The following SORL1 variants were observed in gnomAD, a reference collection of about 807,000 sequenced individuals.
The protein encoded by SORL1 is sortilin related receptor 1.
Under a neutral mutation model 273.7 loss-of-function variants are expected in SORL1, and 127 were observed. The observed-to-expected ratio is 0.46, with a 90% CI of 0.40 to 0.54. The LOEUF (loss-of-function observed/expected upper bound fraction) is 0.54, where lower values mean the gene tolerates loss of function less well. Ranked by LOEUF, SORL1 falls within the 20% of genes least tolerant of loss-of-function variation. The pLI is 0.00. For synonymous variants in SORL1, 1,031 were observed against 1,067.4 expected, an observed-to-expected ratio of 0.97 and a Z score of 0.66; for missense variants, 2,494 against 2,846.1, an observed-to-expected ratio of 0.88 and a Z score of 2.81.
At chr11:121,471,962 G>A (rs767964787) in intron 2 of SORL1, among the ~76,000 whole-genome samples, 2 of 152,134 alleles carry the variant, frequency 1.3e-5, no homozygotes, top group Non-Finnish European at 2.9e-5. Context: ...TAAAAGCTGT[G>A]GCCACCACAG....
chr11:121,585,332 AAT>A (rs1346282421), intron 26 of SORL1, among the ~76,000 whole-genome samples: 2 of 151,978 alleles, frequency 1.3e-5, no homozygotes, highest in Admixed American at 1.3e-4. Context: ...AAAATACAAA[AAT>A]TAGCCAGGCA....
intron 3 of SORL1, among the ~76,000 whole-genome samples, chr11:121,486,168 A>G (rs978420806): frequency 2.0e-5 from 3 of 152,198 alleles, no homozygotes; most frequent in African/African-American, 7.2e-5. Context: ...TAGGATGTCA[A>G]TGACTGGCTG....
Position 121,627,406 on chromosome 11 carries a change from G to C in SORL1, c.6365-149G>C. 1.5e-6 allele frequency: 1 copy of C among 662,620 alleles called. No homozygotes were observed. Among genetic ancestry groups the C allele is most frequent in the Non-Finnish European group, 2.7e-6 (1 of 373,320 alleles). The allele number at this position is 662,620 out of a possible 1,614,324, so 41.0% of individuals were successfully genotyped here. On this transcript the variant is annotated intron_variant, in intron 46 of 47. Transcript: ENST00000260197. This position sits in a 1 kb window ranked among gnomAD's most constrained non-coding sequence, Gnocchi z 4.9. ...TAGTGGGGAAGCAATCAGGCATCAC[G>C]CACATGCAGAAACGTCTCACACCAG... is the stretch of plus-strand genomic sequence containing the variant.
chr11:121,452,762 A>G lies in SORL1; in HGVS notation c.285+146A>G, dbSNP rs190157824. ...GCATTTGTTTTTTTCCTTCACGAGT[A>G]CAACCGTCAGCACTTGAATCGCATT... On this transcript the variant is annotated intron_variant, in intron 1 of 47. Coordinates refer to ENST00000260197, the MANE Select transcript of SORL1 (RefSeq NM_003105.6). This position sits in a 1 kb window ranked among gnomAD's most constrained non-coding sequence, Gnocchi z 5.3. 1.3e-4 allele frequency: 82 copies of G among 642,710 alleles called. 1 individual carries two copies. Among genetic ancestry groups the G allele is most frequent in the Non-Finnish European group, 1.1e-4 (45 of 413,182 alleles). 39.8% of individuals were successfully genotyped at this position (642,710 alleles called of 1,614,324 possible). A position where few individuals can be genotyped will look rare whatever the true frequency, so the allele number is the denominator to read the frequency against.
intron 11 of SORL1, among the ~76,000 whole-genome samples, chr11:121,523,745 C>T (rs985436624): frequency 2.0e-5 from 3 of 152,106 alleles, no homozygotes; most frequent in Non-Finnish European, 4.4e-5. Context: ...TAAAACCCAA[C>T]AGATCACTTG....
intron 3 of SORL1, among the ~76,000 whole-genome samples, chr11:121,486,176 C>T (rs12796043): frequency 0.3 from 45,697 of 152,130 alleles, 8,002 homozygotes; most frequent in Middle Eastern, 0.45. Flanking sequence ...CAATGACTGG[C>T]TGTGGGTAGA....
chr11:121,610,820 G>A, intron 38 of SORL1: 1 of 373,786 alleles, frequency 2.7e-6, no homozygotes, highest in Non-Finnish European at 4.9e-6. Flanking sequence ...TTACAAAATG[G>A]AACTTTTCTG....
intron 40 of SORL1, 133 bp from the exon 41 acceptor site, chr11:121,614,738 C>A: frequency 1.5e-6 from 1 of 687,806 alleles, no homozygotes. Flanking sequence ...CATCTAATGA[C>A]AGTCCTACAG....
chr11:121,627,799 C>T lies in SORL1; in HGVS notation c.6577+32C>T, dbSNP rs1214982834. ...GGGGCAGGGAGAGTCGGTTCTTCCT[C>T]CCAGGGCTGACCCCCACGCAGCCAA... On this transcript the variant is annotated intron_variant, in intron 47 of 47. Coordinates refer to ENST00000260197, the MANE Select transcript of SORL1 (RefSeq NM_003105.6). This position sits in a 1 kb window ranked among gnomAD's most constrained non-coding sequence, Gnocchi z 4.9. 1.0e-5 allele frequency: 16 copies of T among 1,527,214 alleles called. No individual in the cohort carries two copies. Among genetic ancestry groups the T allele is most frequent in the Admixed American group, 5.1e-5 (3 of 59,018 alleles). 94.6% of individuals were successfully genotyped at this position (1,527,214 alleles called of 1,614,324 possible).
intron 5 of SORL1, among the ~76,000 whole-genome samples, chr11:121,493,820 A>G (rs1025799184): frequency 6.6e-6 from 1 of 152,080 alleles, no homozygotes; most frequent in Non-Finnish European, 1.5e-5. Context: ...TTTAGTTGGT[A>G]TTGCTTCCTT....
At position 121,591,031 on chromosome 11, in the gene SORL1, G is replaced by A; in HGVS notation, c.4244G>A (p.Gly1415Glu). ...CATATTCTTCCCTTCTCGACTCCTGGGCCCTCCACGTGTCTGCCCAATTAC... is the reference window on the plus strand; with the variant it reads ...CATATTCTTCCCTTCTCGACTCCTGAGCCCTCCACGTGTCTGCCCAATTAC... ...DSHILPFSTP[G>E]PSTCLPNYYR... The change falls in exon 31 of 48, where the codon GGG (glycine) becomes GAG (glutamate). Residue 1415 changes from glycine to glutamate, a missense_variant. Transcript: ENST00000260197. The A allele has an allele frequency of 6.2e-7, 1 of 1,614,184 alleles. No homozygotes were observed. Among genetic ancestry groups the A allele is most frequent in the Non-Finnish European group, 8.5e-7 (1 of 1,180,036 alleles).
chr11:121,516,062 A>C (rs1488803032), intron 8 of SORL1, among the ~76,000 whole-genome samples: 3 of 152,252 alleles, frequency 2.0e-5, no homozygotes, highest in Admixed American at 2.0e-4. Flanking sequence ...TAATGAAAAG[A>C]ATATAACACA....
At chr11:121,587,913 T>C in intron 27 of SORL1, 107 bp from the exon 28 acceptor site, 2 of 1,356,322 alleles carry the variant, frequency 1.5e-6, no homozygotes, top group South Asian at 2.6e-5. Flanking sequence ...TGGCTTTTAC[T>C]GTTGCTTCCT....
At chr11:121,567,898 T>A (rs11218345) in intron 22 of SORL1, among the ~76,000 whole-genome samples, 13,112 of 151,924 alleles carry the variant, frequency 0.086, 575 homozygotes, top group African/African-American at 0.11. Context: ...CCTTTTTTTT[T>A]ATATATATTT....
intron 41 of SORL1, 104 bp from the exon 42 acceptor site, chr11:121,618,670 T>G: frequency 2.4e-5 from 33 of 1,368,952 alleles, no homozygotes; most frequent in African/African-American, 2.9e-5. Flanking sequence ...GACTTCTCTG[T>G]GAGCTCTTTT....
chr11:121,590,300 C>G (rs1863190373), intron 30 of SORL1, 126 bp downstream of exon 30: 1 of 945,694 alleles, frequency 1.1e-6, no homozygotes, highest in Admixed American at 2.5e-5. Context: ...AGAGGAGTGA[C>G]TCAAATTTTT....
At chr11:121,525,816 A>C (rs991092952) in intron 11 of SORL1, among the ~76,000 whole-genome samples, 3 of 152,146 alleles carry the variant, frequency 2.0e-5, no homozygotes, top group Non-Finnish European at 4.4e-5. Flanking sequence ...CGGACGGCTG[A>C]GGTAAGAGGG....
In SORL1 at chr11:121,596,204, A is replaced by G. The variant is rs991114822; in HGVS notation, c.4519+432A>G. On this transcript the variant is annotated intron_variant, in intron 32 of 47. Transcript: ENST00000260197. This position sits in a 1 kb window ranked among gnomAD's most constrained non-coding sequence, Gnocchi z 4.3. ...TTGCCTCTAGCACCCCATTAAGAAAATTCATTCTCAGTCCTTAGGGTAATT... is the reference window on the plus strand; with the variant it reads ...TTGCCTCTAGCACCCCATTAAGAAAGTTCATTCTCAGTCCTTAGGGTAATT... Among the ~76,000 whole-genome samples, 1 of 152,042 alleles carries G rather than the reference A, an allele frequency of 6.6e-6. No homozygotes were observed. The highest frequency in any genetic ancestry group is 2.4e-5 in the African/African-American group (1 of 41,384).
intron 24 of SORL1, among the ~76,000 whole-genome samples, chr11:121,575,640 C>T (rs894394225): frequency 2.0e-5 from 3 of 152,252 alleles, no homozygotes; most frequent in Non-Finnish European, 2.9e-5. Flanking sequence ...GAAAATACCC[C>T]TAGCCTGGCT....
Sources: allele counts gnomAD v4.1 joint callset (sites outside exome capture counted in the v4.1 genomes callset), GRCh38; gene constraint gnomAD v4.1.1; non-coding constraint Gnocchi (gnomAD v3.1); transcripts MANE v1.5; gene names NCBI Gene and HGNC (gene_info 2026-07-23, HGNC 2026-07-21).